The following ZUP1 variants were observed in gnomAD, a reference collection of about 807,000 sequenced individuals.
The protein encoded by ZUP1 is zinc finger containing ubiquitin peptidase 1.
Under a neutral mutation model 68.1 loss-of-function variants are expected in ZUP1, and 55 were observed. The ratio of observed to expected loss-of-function variants is 0.81; its 90% CI spans 0.65 to 1.01. The LOEUF (loss-of-function observed/expected upper bound fraction) is 1.01, where lower values mean the gene tolerates loss of function less well. ZUP1 is among the 50% of genes least tolerant of loss of function. The pLI is 0.00. For synonymous variants in ZUP1, 223 were observed against 221.5 expected (o/e 1.01, Z -0.06); for missense variants, 684 against 674.9 (o/e 1.01, Z -0.15).
At chr6:116,647,952 AT>A (rs1776365371) in intron 7 of ZUP1, among the ~76,000 whole-genome samples, 1 of 152,014 alleles carries the variant, frequency 6.6e-6, no homozygotes, top group African/African-American at 2.4e-5. Context: ...ACCATACTTG[AT>A]TTTTAAAAAG....
intron 5 of ZUP1, among the ~76,000 whole-genome samples, chr6:116,655,484 A>G (rs924281451): frequency 6.6e-6 from 1 of 152,238 alleles, no homozygotes; most frequent in Admixed American, 6.5e-5. Context: ...AAAAGTGTAC[A>G]TAAAGGGCTT....
intron 2 of ZUP1, 111 bp from the exon 3 acceptor site, chr6:116,660,957 T>C: frequency 3.2e-6 from 2 of 616,868 alleles, no homozygotes; most frequent in East Asian, 3.1e-5. Flanking sequence ...TGGCGTGCAG[T>C]GGCACCATCA....
At chr6:116,637,372 T>C (rs1775937008) in intron 9 of ZUP1, among the ~76,000 whole-genome samples, 1 of 152,164 alleles carries the variant, frequency 6.6e-6, no homozygotes, top group South Asian at 2.1e-4. Context: ...AGATAGCCCA[T>C]AGTACAGAAT....
chr6:116,664,902 AC>A (rs1776953360), intron 2 of ZUP1, among the ~76,000 whole-genome samples: 2 of 152,120 alleles, frequency 1.3e-5, no homozygotes, highest in South Asian at 4.1e-4. Context: ...ACACACACAC[AC>A]ACAATCCAGA....
chr6:116,654,500 G>C (rs1776606184), intron 5 of ZUP1, among the ~76,000 whole-genome samples: 1 of 151,714 alleles, frequency 6.6e-6, no homozygotes, highest in African/African-American at 2.4e-5. Flanking sequence ...AAAACATAAA[G>C]GTATATATTT....
In ZUP1 at chr6:116,635,702, T is replaced by G. The variant is rs530108662; in HGVS notation, c.*130A>C. The G allele has an allele frequency of 3.3e-6, 2 of 606,572 alleles. No individual in the cohort carries two copies. Among genetic ancestry groups the G allele is most frequent in the Admixed American group, 3.8e-5 (1 of 26,244 alleles). The allele number at this position is 606,572 out of a possible 1,614,324, so 37.6% of individuals were successfully genotyped here. On this transcript the variant is annotated 3_prime_UTR_variant, in exon 10 of 10. Coordinates refer to ENST00000368576, the MANE Select transcript of ZUP1 (RefSeq NM_145062.3). ...GTATAATTCAATTAACACAGGCATT[T>G]TAGAAATTAAATTATATGTTAAGAC...
Position 116,651,720 on chromosome 6 carries a change from T to C in ZUP1, c.1168A>G (p.Ile390Val), listed in dbSNP as rs768215375. ...DCLKGMLIPC[I>V]PKIQSMIEDA... ...TCAATCATAGATTGAATTTTTGGAA[T>C]GCAAGGAATCAACATACCTAAAATT... The change falls in exon 7 of 10, where the codon ATT becomes GTT. Residue 390 changes from isoleucine (I) to valine (V), a missense_variant. Physicochemically the swap from Ile to Val is conservative, Grantham distance 29 (BLOSUM62 3). Coordinates refer to ENST00000368576, the MANE Select transcript of ZUP1 (RefSeq NM_145062.3). 1.2e-6 allele frequency: 2 copies of C among 1,613,504 alleles called. No homozygotes were observed. Among genetic ancestry groups the C allele is most frequent in the Non-Finnish European group, 1.7e-6 (2 of 1,179,784 alleles).
intron 5 of ZUP1, among the ~76,000 whole-genome samples, chr6:116,656,285 T>G (rs565789939): frequency 2.0e-5 from 3 of 152,036 alleles, no homozygotes; most frequent in East Asian, 3.9e-4. Flanking sequence ...GATTTCTCCA[T>G]GTTGGTTAGG....
chr6:116,647,294 G>A (rs1372657684), intron 8 of ZUP1, among the ~76,000 whole-genome samples, 165 bp downstream of exon 8: 1 of 152,118 alleles, frequency 6.6e-6, no homozygotes, highest in Non-Finnish European at 1.5e-5. Context: ...GGAAGGTGGA[G>A]GTTGCAGCGA....
chr6:116,663,111 T>C (rs1776896412), intron 2 of ZUP1, among the ~76,000 whole-genome samples: 1 of 152,230 alleles, frequency 6.6e-6, no homozygotes, highest in Non-Finnish European at 1.5e-5. Flanking sequence ...AGTGAATCTC[T>C]GAAATCTCAA....
chr6:116,653,930 G>C (rs953678884), intron 5 of ZUP1, among the ~76,000 whole-genome samples: 3 of 151,894 alleles, frequency 2.0e-5, no homozygotes, highest in African/African-American at 7.2e-5. Flanking sequence ...AATGTCTTTA[G>C]ATATTTTCCA....
intron 9 of ZUP1, among the ~76,000 whole-genome samples, chr6:116,638,859 A>C (rs1775986996): frequency 6.6e-6 from 1 of 152,172 alleles, no homozygotes; most frequent in Admixed American, 6.5e-5. Flanking sequence ...GCAGCGCACC[A>C]TGCGCCAGAT....
At chr6:116,641,859 T>C (rs1415969438) in intron 9 of ZUP1, among the ~76,000 whole-genome samples, 1 of 151,586 alleles carries the variant, frequency 6.6e-6, no homozygotes, top group Non-Finnish European at 1.5e-5. Context: ...CTGAAGGAAA[T>C]AGAGACACAA....
In ZUP1 at chr6:116,647,558, G is replaced by T. The variant is rs770143918; in HGVS notation, c.1369C>A (p.Arg457Ser). 5.0e-6 allele frequency: 8 copies of T among 1,600,628 alleles called. No individual in the cohort carries two copies. Among genetic ancestry groups the T allele is most frequent in the Non-Finnish European group, 6.0e-6 (7 of 1,170,718 alleles). Residue 457 changes from arginine (R) to serine (S), a missense_variant, in exon 8 of 10, where the codon CGC (arginine) becomes AGC (serine). Physicochemically the swap from Arg to Ser is moderately radical, Grantham distance 110 (BLOSUM62 -1). Coordinates refer to ENST00000368576, the MANE Select transcript of ZUP1 (RefSeq NM_145062.3). ...TAGTTCAATATCCATTCAAATAAGC[G>T]AGGGTGTGTACCCAAAGGACCAGTT... ...KSTGPLGTHP[R>S]LFEWILNYYS... is the part of the protein sequence containing the mutation.
chr6:116,644,858 T>A (rs1776239108), intron 9 of ZUP1, among the ~76,000 whole-genome samples: 2 of 149,338 alleles, frequency 1.3e-5, no homozygotes, highest in Admixed American at 1.3e-4. Flanking sequence ...TAATAATAAA[T>A]AATAAAAAAA....
At position 116,641,598 on chromosome 6, in the gene ZUP1, A is replaced by C. The variant is rs1223475265; in HGVS notation, c.1689+4116T>G. Among the ~76,000 whole-genome samples the C allele has an allele frequency of 5.9e-5, 9 of 152,228 alleles. No individual in the cohort carries two copies. In the South Asian group the frequency reaches 6.2e-4, roughly 11 times the overall value. On this transcript the variant is annotated intron_variant, in intron 9 of 9. Coordinates refer to ENST00000368576, the MANE Select transcript of ZUP1 (RefSeq NM_145062.3). ...CTGCTCCTGAATGACTACTGGGTACATAACGAAATGAAGGCAGAAATAAAG... is the reference window on the plus strand; with the variant it reads ...CTGCTCCTGAATGACTACTGGGTACCTAACGAAATGAAGGCAGAAATAAAG...
At chr6:116,660,885 A>G (rs1776816227) in intron 2 of ZUP1, 39 bp from the exon 3 acceptor site, 1 of 1,209,088 alleles carries the variant, frequency 8.3e-7, no homozygotes, top group Non-Finnish European at 1.2e-6. Context: ...TTATTTTTTT[A>G]TTTTAATTTT....
intron 2 of ZUP1, among the ~76,000 whole-genome samples, chr6:116,664,157 G>A (rs12333247): frequency 0.016 from 2,504 of 152,242 alleles, 76 homozygotes; most frequent in African/African-American, 0.056. Flanking sequence ...AAGCCTGGGC[G>A]CGGTGGCTTA....
Position 116,642,250 on chromosome 6 carries a change from C to T in ZUP1, c.1689+3464G>A, listed in dbSNP as rs1029221994. 2.7e-4 allele frequency among the ~76,000 whole-genome samples: 41 copies of T among 152,102 alleles called. 1 individual carries two copies. The highest frequency in any genetic ancestry group is 2.9e-5 in the Non-Finnish European group (2 of 68,008). ...AGATGGATTCACAGCCGAATTCTAC[C>T]AGAGGTACAAGGAGGAACTGGTAAC... On this transcript the variant is annotated intron_variant, in intron 9 of 9. Coordinates refer to ENST00000368576, the MANE Select transcript of ZUP1 (RefSeq NM_145062.3).
Sources: gnomAD v4.1 joint callset for allele counts (sites outside exome capture counted in the v4.1 genomes callset) on GRCh38, gnomAD v4.1.1 for gene constraint, MANE v1.5 for transcripts, NCBI Gene and HGNC (gene_info 2026-07-23, HGNC 2026-07-21) for gene names.